Variants in KIF1A observed in about 807,000 individuals in gnomAD.
The protein encoded by KIF1A is kinesin-like protein KIF1A.
In KIF1A, 46 loss-of-function variants were observed where a neutral mutation model predicts 227.3. The ratio of observed to expected loss-of-function variants is 0.20; its 90% CI spans 0.16 to 0.26. The LOEUF (loss-of-function observed/expected upper bound fraction) is 0.26. Ranked by LOEUF, KIF1A falls within the 10% of genes least tolerant of loss-of-function variation. KIF1A has a pLI of 1.00. For synonymous variants in KIF1A, 1,022 were observed against 1,012.8 expected, an observed-to-expected ratio of 1.01 and a Z score of -0.17; for missense variants, 1,683 against 2,485.9, an observed-to-expected ratio of 0.68 and a Z score of 6.87.
At chr2:240,771,854 G>A (rs886718205) in intron 14 of KIF1A, among the ~76,000 whole-genome samples, 1 of 152,196 alleles carries the variant, frequency 6.6e-6, no homozygotes. Flanking sequence ...CCTAAGGCCC[G>A]GGAGGTGGGG....
intron 27 of KIF1A, among the ~76,000 whole-genome samples, chr2:240,753,494 G>A (rs933187491): frequency 5.9e-5 from 9 of 152,244 alleles, no homozygotes; most frequent in African/African-American, 2.2e-4. Flanking sequence ...AAATCAGACA[G>A]GGGCTGGGCT....
Position 240,775,144 on chromosome 2 carries a change from T to A in KIF1A, c.958+707A>T, listed in dbSNP as rs1238507648. On this transcript the variant is annotated intron_variant, in intron 11 of 48. Coordinates refer to ENST00000498729, the MANE Select transcript of KIF1A (RefSeq NM_001244008.2). The surrounding 1 kb of genome is among the most constrained non-coding windows in gnomAD (Gnocchi z 5.5). ...GGGGCCCATCCATCCGCAGGCCTGC[T>A]GCGGTCTGCAATACTGACCTGAGCT... Among the ~76,000 whole-genome samples, 1 of 152,216 alleles carries A rather than the reference T, an allele frequency of 6.6e-6. No homozygotes were observed. The highest frequency in any genetic ancestry group is 1.5e-5 in the Non-Finnish European group (1 of 68,038).
chr2:240,792,158 A>G lies in KIF1A; in HGVS notation c.107-2846T>C, dbSNP rs896224631. On this transcript the variant is annotated intron_variant, in intron 2 of 48. Transcript: ENST00000498729. The surrounding 1 kb of genome is among the most constrained non-coding windows in gnomAD (Gnocchi z 4.5). ...CCAGACTAGAAGCCAGGGTCCCCGC[A>G]ACACCTCCCAGCCCTGAGGTCCGCC... 2.6e-5 allele frequency among the ~76,000 whole-genome samples: 4 copies of G among 151,850 alleles called. No homozygotes were observed. Among genetic ancestry groups the G allele is most frequent in the Non-Finnish European group, 5.9e-5 (4 of 67,916 alleles).
chr2:240,772,702 G>T, intron 13 of KIF1A, 106 bp from the exon 14 acceptor site: 1 of 866,818 alleles, frequency 1.2e-6, no homozygotes, highest in South Asian at 1.6e-5. Flanking sequence ...GTGGCCAGCA[G>T]TGGGTGTGTG....
rs936284073 is a variant in KIF1A, at chr2:240,770,901, G to C, written c.1341+70C>G. ...TGGGCTGTACCCAGGAGGGCAGGGTGCCTCTCTAACTCCTCCGAGCTCCCC... is the reference window on the plus strand; with the variant it reads ...TGGGCTGTACCCAGGAGGGCAGGGTCCCTCTCTAACTCCTCCGAGCTCCCC... On this transcript the variant is annotated intron_variant, in intron 15 of 48. Transcript: ENST00000498729. 10 of 1,556,198 alleles carry C rather than the reference G, an allele frequency of 6.4e-6. No homozygotes were observed. In the African/African-American group the frequency reaches 1.4e-4, roughly 21 times the overall value.
At position 240,766,261 on chromosome 2, in the gene KIF1A, G is replaced by C. The variant is rs950876304; in HGVS notation, c.1685-468C>G. ...GTGTCAGTCACAGGTCTGCAGGCCAGAGGCTGGCTGGATGCTGCCGGGAGA... is the reference window on the plus strand; with the variant it reads ...GTGTCAGTCACAGGTCTGCAGGCCACAGGCTGGCTGGATGCTGCCGGGAGA... On this transcript the variant is annotated intron_variant, in intron 19 of 48. Coordinates refer to ENST00000498729, the MANE Select transcript of KIF1A (RefSeq NM_001244008.2). This position sits in a 1 kb window ranked among gnomAD's most constrained non-coding sequence, Gnocchi z 5.0. Among the ~76,000 whole-genome samples, 1 of 152,242 alleles carries C rather than the reference G, an allele frequency of 6.6e-6. No homozygotes were observed. Among genetic ancestry groups the C allele is most frequent in the South Asian group, 2.1e-4 (1 of 4,832 alleles).
chr2:240,766,749 T>TCTCTCTCTCTCA lies in KIF1A; in HGVS notation c.1684+165_1684+166insTGAGAGAGAGAG, dbSNP rs1454271542. The stretch of plus-strand genomic sequence containing the variant: ...CTCTCTCTCTCTCTCTCTCTCTCTC[T>TCTCTCTCTCTCA]CACACACACACACACACACACACAC... On this transcript the variant is annotated intron_variant, in intron 19 of 48. Transcript: ENST00000498729. The surrounding 1 kb of genome is among the most constrained non-coding windows in gnomAD (Gnocchi z 5.0). Among the ~76,000 whole-genome samples, 28 of 109,018 alleles carry TCTCTCTCTCTCA rather than the reference T, an allele frequency of 2.6e-4. No homozygotes were observed. The highest frequency in any genetic ancestry group is 7.0e-4 in the African/African-American group (17 of 24,164). The allele number at this position is 109,018 out of a possible 152,430, so 71.5% of individuals were successfully genotyped here.
chr2:240,765,841 C>T (rs1384573501), intron 19 of KIF1A, 48 bp from the exon 20 acceptor site: 1 of 1,416,576 alleles, frequency 7.1e-7, no homozygotes, highest in Non-Finnish European at 1.0e-6. Flanking sequence ...GAGGGGCTGT[C>T]ACCTACAGCA....
chr2:240,789,186 G>T lies in KIF1A; in HGVS notation c.183+50C>A, dbSNP rs773862513. ...AGTTGAGGGACCCCGAGGGCCACAT[G>T]GCCTATGCACTGCTGCCCCCGCCTC... is the stretch of plus-strand genomic sequence containing the variant. On this transcript the variant is annotated intron_variant, in intron 3 of 48. Coordinates refer to ENST00000498729, the MANE Select transcript of KIF1A (RefSeq NM_001244008.2). This position sits in a 1 kb window ranked among gnomAD's most constrained non-coding sequence, Gnocchi z 4.8. 2 of 1,447,906 alleles carry T rather than the reference G, an allele frequency of 1.4e-6. No individual in the cohort carries two copies. The highest frequency in any genetic ancestry group is 1.7e-5 in the Admixed American group (1 of 59,534). 89.7% of individuals were successfully genotyped at this position (1,447,906 alleles called of 1,614,324 possible). A position where few individuals can be genotyped will look rare whatever the true frequency, so the allele number is the denominator to read the frequency against.
rs988842486 is a variant in KIF1A at position 240,717,082 on chromosome 2, G to A, written c.*282C>T. ...TCTATGCTTAAAAAAATATTAGAAC[G>A]GCAGCAAGAACCCCCGTAACCTGTG... On this transcript the variant is annotated 3_prime_UTR_variant, in exon 49 of 49. Coordinates refer to ENST00000498729, the MANE Select transcript of KIF1A (RefSeq NM_001244008.2). The A allele has an allele frequency of 9.3e-6, 4 of 431,892 alleles. No individual in the cohort carries two copies. The highest frequency in any genetic ancestry group is 6.0e-5 in the African/African-American group (3 of 50,406). The allele number at this position is 431,892 out of a possible 1,614,324, so 26.8% of individuals were successfully genotyped here. A position where few individuals can be genotyped will look rare whatever the true frequency, so the allele number is the denominator to read the frequency against.
chr2:240,820,343 A>T (rs1293625892), upstream of KIF1A: 1 of 148,484 alleles, frequency 6.7e-6, no homozygotes, highest in Non-Finnish European at 1.5e-5. This position sits in a 1 kb window ranked among gnomAD's most constrained non-coding sequence, Gnocchi z 6.2. Flanking sequence ...TCGCGCGGGG[A>T]GAGGGACGGG....
chr2:240,796,447 C>A (rs139374849), intron 2 of KIF1A, among the ~76,000 whole-genome samples: 1 of 152,302 alleles, frequency 6.6e-6, no homozygotes, highest in East Asian at 1.9e-4. Flanking sequence ...CACCCACTTA[C>A]GAACGCACCT....
intron 1 of KIF1A, among the ~76,000 whole-genome samples, chr2:240,811,143 C>G (rs1172289485): frequency 6.6e-6 from 1 of 152,164 alleles, no homozygotes; most frequent in Non-Finnish European, 1.5e-5. Flanking sequence ...GGGCAGATCA[C>G]TTGAGGTCAG....
At chr2:240,741,891 A>G (rs1373897188) in intron 34 of KIF1A, among the ~76,000 whole-genome samples, 1 of 152,156 alleles carries the variant, frequency 6.6e-6, no homozygotes, top group African/African-American at 2.4e-5. Context: ...CCTGACAAAC[A>G]GCCTCTGTCC....
At chr2:240,742,775 C>T (rs756867315) in intron 34 of KIF1A, among the ~76,000 whole-genome samples, 154 bp downstream of exon 34, 14 of 152,202 alleles carry the variant, frequency 9.2e-5, no homozygotes, top group Non-Finnish European at 1.6e-4. Flanking sequence ...ATGGGGACCC[C>T]GTGAGGCCTG....
intron 6 of KIF1A, 34 bp from the exon 7 acceptor site, chr2:240,785,134 C>T (rs763980799): frequency 2.1e-5 from 33 of 1,557,954 alleles, no homozygotes; most frequent in South Asian, 6.7e-5. Context: ...GGTTACCCCT[C>T]GTCCTGTGGC....
chr2:240,759,796 C>T (rs111635887), intron 25 of KIF1A, among the ~76,000 whole-genome samples: 8 of 152,234 alleles, frequency 5.3e-5, no homozygotes, highest in African/African-American at 1.9e-4. Context: ...TGGCTGAGGC[C>T]AGGAGTTAGA....
chr2:240,799,342 C>G (rs2056741707), intron 1 of KIF1A, among the ~76,000 whole-genome samples: 1 of 152,224 alleles, frequency 6.6e-6, no homozygotes, highest in Middle Eastern at 3.2e-3. Context: ...CTCCCCAGAA[C>G]TCCTCCGCAG....
Position 240,788,054 on chromosome 2 carries a change from T to C in KIF1A, c.360A>G (p.Pro120=), listed in dbSNP as rs1208225744. The C allele has an allele frequency of 2.6e-6, 3 of 1,135,370 alleles. No homozygotes were observed. Among genetic ancestry groups the C allele is most frequent in the African/African-American group, 1.6e-5 (1 of 62,936 alleles). The allele number at this position is 1,135,370 out of a possible 1,614,324, so 70.3% of individuals were successfully genotyped here. A position where few individuals can be genotyped will look rare whatever the true frequency, so the allele number is the denominator to read the frequency against. Residue 120 remains proline, a synonymous_variant, in exon 4 of 49, where the codon CCA becomes CCG. Transcript: ENST00000498729. This position sits in a 1 kb window ranked among gnomAD's most constrained non-coding sequence, Gnocchi z 6.6. ...KQEKDQQGII[P]QLCEDLFSRI... is the part of the protein sequence containing the mutation. ...CCGCCCGCCCCCCGCTTCGTGCCTG[T>C]GGGATGATGCCCTGCTGGTCCTTCT...
Sources: gnomAD v4.1 joint callset for allele counts (sites outside exome capture counted in the v4.1 genomes callset) on GRCh38, gnomAD v4.1.1 for gene constraint, Gnocchi (gnomAD v3.1) non-coding constraint, MANE v1.5 for transcripts, NCBI Gene and HGNC (gene_info 2026-07-23, HGNC 2026-07-21) for gene names.